Variants in TRA2A observed in about 807,000 individuals in gnomAD.
TRA2A encodes transformer 2 alpha homolog.
Under a neutral mutation model 45.7 loss-of-function variants are expected in TRA2A, and 31 were observed. The observed-to-expected ratio is 0.68, with a 90% CI of 0.51 to 0.92. TRA2A has a LOEUF of 0.92. TRA2A is among the 40% of genes least tolerant of loss of function. The pLI is 0.00. For missense variants in TRA2A, 304 were observed against 367.5 expected (o/e 0.83, Z 1.41); for synonymous variants, 132 against 126.2 (o/e 1.05, Z -0.31).
At position 23,521,811 on chromosome 7, in the gene TRA2A, C is replaced by T. The variant is rs768004105; in HGVS notation, c.66G>A (p.Thr22=). 5 of 1,614,036 alleles carry T rather than the reference C, an allele frequency of 3.1e-6. No homozygotes were observed. The highest frequency in any genetic ancestry group is 2.2e-5 in the East Asian group (1 of 44,880). The change falls in exon 2 of 8, where the codon ACG becomes ACA. Residue 22 remains threonine, a synonymous_variant. Transcript: ENST00000297071. ...CCGATTTTACACGAGCAGGAGTTCCCGTTGGAGATTTTGACTGAGAGCGAG... is the reference window on the plus strand; with the variant it reads ...CCGATTTTACACGAGCAGGAGTTCCTGTTGGAGATTTTGACTGAGAGCGAG... ...RESRSQSKSP[T]GTPARVKSES... is the part of the protein sequence containing the mutation.
At chr7:23,508,215 A>G (rs766019614) in intron 4 of TRA2A, among the ~76,000 whole-genome samples, 1 of 150,340 alleles carries the variant, frequency 6.7e-6, no homozygotes, top group Non-Finnish European at 1.5e-5. Context: ...TAAAAACTAC[A>G]CAATTTTTAT....
At chr7:23,531,395 T>C (rs1199962965) in intron 1 of TRA2A, 1 of 325,784 alleles carries the variant, frequency 3.1e-6, no homozygotes, top group East Asian at 1.1e-4. Context: ...TCGCCAGAAA[T>C]GCCACCGCAG....
At chr7:23,517,789 G>A (rs1456710394) in intron 2 of TRA2A, among the ~76,000 whole-genome samples, 3 of 151,576 alleles carry the variant, frequency 2.0e-5, no homozygotes, top group Non-Finnish European at 4.4e-5. Context: ...GCGCACACCT[G>A]TCATCCCAGC....
chr7:23,511,275 G>A (rs892259923), intron 4 of TRA2A, among the ~76,000 whole-genome samples: 56 of 149,988 alleles, frequency 3.7e-4, no homozygotes, highest in African/African-American at 1.3e-3. Flanking sequence ...GGAGGCTGAG[G>A]CAGGAGAATG....
Position 23,510,556 on chromosome 7 carries a change from G to A in TRA2A, c.525+2338C>T, listed in dbSNP as rs372251984. Reference sequence around the variant, plus strand: ...TTGGCCAGGCTGGTCTTGAACTCCTGACCTCAGGTGATCTGCCCGCCTCAG... The same window carrying A: ...TTGGCCAGGCTGGTCTTGAACTCCTAACCTCAGGTGATCTGCCCGCCTCAG... On this transcript the variant is annotated intron_variant, in intron 4 of 7. Coordinates refer to ENST00000297071, the MANE Select transcript of TRA2A (RefSeq NM_013293.5). Among the ~76,000 whole-genome samples, 3 of 152,036 alleles carry A rather than the reference G, an allele frequency of 2.0e-5. No individual in the cohort carries two copies. In the East Asian group the frequency reaches 5.8e-4, roughly 29 times the overall value.
rs770516354 is a variant in TRA2A at position 23,505,756 on chromosome 7, G to C, written c.828C>G (p.Ser276=). The stretch of plus-strand genomic sequence containing the variant: ...GTAAAGTTCACATACTTGGGCTGTA[G>C]GAACGAGATCTTGATCGTGATCTAT... ...SRYRSRSRSR[S]YSPRRY The change falls in exon 7 of 8, where the codon TCC becomes TCG. Residue 276 remains serine (S), a synonymous_variant. Transcript: ENST00000297071. The C allele has an allele frequency of 6.4e-7, 1 of 1,553,990 alleles. No homozygotes were observed. The highest frequency in any genetic ancestry group is 8.6e-7 in the Non-Finnish European group (1 of 1,156,146).
chr7:23,507,275 T>G (rs1333336825), intron 5 of TRA2A, 145 bp downstream of exon 5: 11 of 627,422 alleles, frequency 1.8e-5, no homozygotes, highest in East Asian at 5.5e-5. Context: ...GATTTTTTAT[T>G]TTTTTTTAGT....
At chr7:23,510,330 TTC>T (rs1491549868) in intron 4 of TRA2A, among the ~76,000 whole-genome samples, 4 of 152,296 alleles carry the variant, frequency 2.6e-5, no homozygotes, top group East Asian at 3.9e-4. Context: ...AAGCTTTTTT[TTC>T]TTTTCTTTTT....
At chr7:23,505,704 A>T (rs751967354) in intron 7 of TRA2A, 42 bp downstream of exon 7, 2 of 1,327,552 alleles carry the variant, frequency 1.5e-6, no homozygotes, top group South Asian at 2.8e-5. Context: ...GCCATTAATT[A>T]GAAATGAGGT....
At chr7:23,529,427 A>G (rs1376548205) in intron 1 of TRA2A, among the ~76,000 whole-genome samples, 1 of 152,034 alleles carries the variant, frequency 6.6e-6, no homozygotes, top group Non-Finnish European at 1.5e-5. Flanking sequence ...CGCCCGGCTA[A>G]TTTTGTATTT....
chr7:23,520,892 C>T (rs1290666250), intron 2 of TRA2A, among the ~76,000 whole-genome samples: 1 of 152,014 alleles, frequency 6.6e-6, no homozygotes, highest in Non-Finnish European at 1.5e-5. Flanking sequence ...AGGGTTTCAC[C>T]ATGTTGCCCA....
intron 4 of TRA2A, among the ~76,000 whole-genome samples, chr7:23,511,173 C>T (rs1789583878): frequency 6.6e-6 from 1 of 151,676 alleles, no homozygotes; most frequent in Non-Finnish European, 1.5e-5. Flanking sequence ...AGATTGAGAT[C>T]ATCCTGGCTA....
At chr7:23,515,231 T>TC (rs1177099693) in intron 3 of TRA2A, among the ~76,000 whole-genome samples, 6 of 142,478 alleles carry the variant, frequency 4.2e-5, no homozygotes, top group African/African-American at 1.6e-4. Flanking sequence ...TTCTTTTTTT[T>TC]TTTTTTTTTT....
intron 4 of TRA2A, among the ~76,000 whole-genome samples, chr7:23,508,458 G>A (rs556088713): frequency 3.7e-4 from 57 of 152,162 alleles, no homozygotes; most frequent in Non-Finnish European, 2.6e-4. Flanking sequence ...TCTTGGTAGA[G>A]AAGGGGTCTA....
chr7:23,515,342 G>A (rs1789816469), intron 3 of TRA2A, among the ~76,000 whole-genome samples: 1 of 144,172 alleles, frequency 6.9e-6, no homozygotes, highest in Admixed American at 7.5e-5. Context: ...CCATTCTCCT[G>A]CCTCAGCCTC....
intron 2 of TRA2A, among the ~76,000 whole-genome samples, chr7:23,518,500 C>T (rs1789987852): frequency 6.6e-6 from 1 of 151,668 alleles, no homozygotes; most frequent in South Asian, 2.1e-4. Flanking sequence ...TGCCAGCATG[C>T]CCAGCTAATT....
Position 23,516,347 on chromosome 7 carries a change from T to G in TRA2A, c.336+16A>C, listed in dbSNP as rs779535935. On this transcript the variant is annotated intron_variant, in intron 3 of 7. Coordinates refer to ENST00000297071, the MANE Select transcript of TRA2A (RefSeq NM_013293.5). ...AAGAGAAAATAAGTCTTCATTAACT[T>G]TTATAAACCACGTACCCTGCTGCCA... The G allele has an allele frequency of 6.2e-7, 1 of 1,613,564 alleles. No homozygotes were observed. The highest frequency in any genetic ancestry group is 1.7e-5 in the Admixed American group (1 of 59,854).
At chr7:23,505,713 GTTT>G in intron 7 of TRA2A, 30 bp downstream of exon 7, 6 of 1,446,394 alleles carry the variant, frequency 4.1e-6, no homozygotes, top group Non-Finnish European at 5.6e-6. Flanking sequence ...TAGAAATGAG[GTTT>G]TTTATGCTAC....
intron 3 of TRA2A, among the ~76,000 whole-genome samples, chr7:23,513,981 G>C (rs1420103383): frequency 6.6e-6 from 1 of 152,076 alleles, no homozygotes; most frequent in African/African-American, 2.4e-5. Context: ...GTTTGGACCA[G>C]TATAAGCATG....
Sources: allele counts gnomAD v4.1 joint callset (sites outside exome capture counted in the v4.1 genomes callset), GRCh38; gene constraint gnomAD v4.1.1; transcripts MANE v1.5; gene names NCBI Gene and HGNC (gene_info 2026-07-23, HGNC 2026-07-21).